Variants in MAPK10 observed in about 807,000 individuals in gnomAD.
MAPK10 encodes the protein mitogen-activated protein kinase 10, also known as JNK3 alpha protein kinase.
In MAPK10, 25 loss-of-function variants were observed where a neutral mutation model predicts 59.3. The observed-to-expected ratio is 0.42, with a 90% CI of 0.31 to 0.59. The LOEUF is 0.59. MAPK10 is among the 20% of genes least tolerant of loss of function. MAPK10 has a pLI of 0.15. For missense variants in MAPK10, 351 were observed against 568.9 expected, an observed-to-expected ratio of 0.62 and a Z score of 3.90; for synonymous variants, 190 against 200.5, an observed-to-expected ratio of 0.95 and a Z score of 0.44.
At chr4:86,324,003 A>G (rs1400345648) in intron 2 of MAPK10, among the ~76,000 whole-genome samples, 2 of 152,206 alleles carry the variant, frequency 1.3e-5, no homozygotes, top group Non-Finnish European at 2.9e-5. Flanking sequence ...AAATCTAAAT[A>G]GTATAATAAA....
At chr4:86,450,515 CAG>C (rs577907610) in intron 1 of MAPK10, among the ~76,000 whole-genome samples, 24 of 152,176 alleles carry the variant, frequency 1.6e-4, no homozygotes, top group Non-Finnish European at 2.6e-4. Context: ...GGGGGAAAAA[CAG>C]AGATTTATTT....
chr4:86,377,211 C>T (rs1279261407), intron 1 of MAPK10, among the ~76,000 whole-genome samples: 1 of 152,210 alleles, frequency 6.6e-6, no homozygotes, highest in Non-Finnish European at 1.5e-5. Flanking sequence ...ATGTAAAAGA[C>T]ATCCAGGTTC....
intron 1 of MAPK10, among the ~76,000 whole-genome samples, chr4:86,465,425 G>A (rs891048812): frequency 6.6e-6 from 1 of 152,160 alleles, no homozygotes; most frequent in Non-Finnish European, 1.5e-5. Context: ...ATCTCTCCCT[G>A]AAACAGCAGT....
At chr4:86,196,922 T>C (rs1278493521) in intron 2 of MAPK10, among the ~76,000 whole-genome samples, 4 of 152,136 alleles carry the variant, frequency 2.6e-5, no homozygotes, top group Non-Finnish European at 4.4e-5. Context: ...GGTCTATATA[T>C]TTGTTTTGGT....
intron 3 of MAPK10, chr4:86,191,740 T>C (rs1467964506): frequency 6.6e-6 from 1 of 151,908 alleles, no homozygotes; most frequent in African/African-American, 2.4e-5. Context: ...CCAGTCTGTG[T>C]CTTTTGATTG....
intron 1 of MAPK10, among the ~76,000 whole-genome samples, chr4:86,369,551 A>C (rs1295573716): frequency 6.6e-6 from 1 of 152,160 alleles, no homozygotes; most frequent in Non-Finnish European, 1.5e-5. Flanking sequence ...TATCAGCATA[A>C]ATTTATATGT....
chr4:86,299,712 C>T (rs541996588), intron 2 of MAPK10, among the ~76,000 whole-genome samples: 16 of 152,112 alleles, frequency 1.1e-4, no homozygotes, highest in Non-Finnish European at 1.9e-4. Flanking sequence ...AAGGCAAATA[C>T]TAGAAATTAC....
At chr4:86,031,236 C>T (rs2038949039) in intron 12 of MAPK10, 132 bp downstream of exon 12, 1 of 662,856 alleles carries the variant, frequency 1.5e-6, no homozygotes, top group Non-Finnish European at 2.6e-6. Flanking sequence ...GTTTTAGGAG[C>T]TTTAAAAATG....
chr4:86,560,126 A>G (rs775392248), intron 1 of MAPK10, among the ~76,000 whole-genome samples: 68 of 152,220 alleles, frequency 4.5e-4, no homozygotes, highest in Non-Finnish European at 1.5e-4. Flanking sequence ...ATTCTGCTAA[A>G]TTAAATCATG....
chr4:86,564,369 A>C (rs1365114886), intron 1 of MAPK10, among the ~76,000 whole-genome samples: 1 of 152,336 alleles, frequency 6.6e-6, no homozygotes, highest in East Asian at 1.9e-4. Context: ...ATGCAAAAGA[A>C]GAGGAAAAGG....
rs566718950 is a variant in MAPK10, at chr4:86,312,833, G to A, written c.-7+41697C>T. Among the ~76,000 whole-genome samples the A allele has an allele frequency of 9.9e-5, 15 of 152,174 alleles. No homozygotes were observed. In the East Asian group the frequency reaches 2.7e-3, roughly 27 times the overall value. On this transcript the variant is annotated intron_variant, in intron 2 of 13. Transcript: ENST00000641462. ...AACTTAATAGTGGAGAAACAGTATT[G>A]GATTGTCTATGTTCAATTTCACAGC...
intron 11 of MAPK10, among the ~76,000 whole-genome samples, chr4:86,050,172 C>T (rs1014399794): frequency 2.0e-5 from 3 of 152,204 alleles, no homozygotes; most frequent in East Asian, 3.9e-4. Context: ...CCATTTGAGG[C>T]TTTTCTTCCT....
At chr4:86,381,769 T>G (rs1740748236) in intron 1 of MAPK10, among the ~76,000 whole-genome samples, 1 of 152,158 alleles carries the variant, frequency 6.6e-6, no homozygotes, top group Admixed American at 6.5e-5. Context: ...TGCATTTATT[T>G]ACACAGGGAC....
chr4:86,503,957 C>G (rs1755522309), intron 1 of MAPK10, among the ~76,000 whole-genome samples: 1 of 152,080 alleles, frequency 6.6e-6, no homozygotes, highest in African/African-American at 2.4e-5. Flanking sequence ...ACGCATTCCA[C>G]TCTTCTTCCT....
At chr4:86,258,715 C>T (rs1440922425) in intron 2 of MAPK10, among the ~76,000 whole-genome samples, 2 of 152,140 alleles carry the variant, frequency 1.3e-5, no homozygotes, top group African/African-American at 4.8e-5. Flanking sequence ...TTACCTAACC[C>T]TTCTGAAAAA....
intron 2 of MAPK10, among the ~76,000 whole-genome samples, chr4:86,243,797 C>G (rs2092909510): frequency 7.1e-6 from 1 of 140,058 alleles, no homozygotes; most frequent in Non-Finnish European, 1.5e-5. Context: ...CGATAGCTAG[C>G]ACTGTTCTCT....
At chr4:86,064,164 T>TA (rs1339430887) in intron 11 of MAPK10, 102 bp downstream of exon 11, 1 of 1,417,812 alleles carries the variant, frequency 7.1e-7, no homozygotes, top group Non-Finnish European at 9.6e-7. Flanking sequence ...AGAAATTTTA[T>TA]AAAAATCCAT....
intron 2 of MAPK10, among the ~76,000 whole-genome samples, chr4:86,343,028 A>T (rs1253889028): frequency 6.6e-6 from 1 of 152,082 alleles, no homozygotes; most frequent in African/African-American, 2.4e-5. Context: ...TTTCCTAGCC[A>T]TGTCTCTGAT....
At chr4:86,584,242 TGA>T (rs956673333) in intron 1 of MAPK10, among the ~76,000 whole-genome samples, 1 of 152,116 alleles carries the variant, frequency 6.6e-6, no homozygotes, top group African/African-American at 2.4e-5. Context: ...TGGGAATCAC[TGA>T]GAGACAATCC....
Sources: gnomAD v4.1 joint callset for allele counts (sites outside exome capture counted in the v4.1 genomes callset) on GRCh38, gnomAD v4.1.1 for gene constraint, MANE v1.5 for transcripts, NCBI Gene and HGNC (gene_info 2026-07-23, HGNC 2026-07-21) for gene names.